The following ATP11A variants were observed in gnomAD, a reference collection of about 807,000 sequenced individuals.
ATP11A encodes the protein phospholipid-transporting ATPase IH.
A neutral mutation model predicts 154.4 loss-of-function variants in ATP11A; 81 were observed. That is an observed-to-expected ratio of 0.52 (90% CI 0.44 to 0.63). The LOEUF (loss-of-function observed/expected upper bound fraction) is 0.63. Among genes scored for constraint, ATP11A ranks in the 30% least tolerant of loss-of-function variants. ATP11A has a pLI of 0.00. For missense variants in ATP11A, 1,316 were observed against 1,474.3 expected (o/e 0.89, Z 1.76); for synonymous variants, 623 against 585.9 (o/e 1.06, Z -0.91).
intron 5 of ATP11A, among the ~76,000 whole-genome samples, 194 bp downstream of exon 5, chr13:112,810,920 C>T (rs1039264724): frequency 5.9e-5 from 9 of 152,146 alleles, no homozygotes; most frequent in African/African-American, 2.2e-4. Flanking sequence ...GCTCTCCAGC[C>T]TGGGCAACCG....
chr13:112,722,497 G>A (rs1889316528), intron 1 of ATP11A, among the ~76,000 whole-genome samples: 1 of 152,166 alleles, frequency 6.6e-6, no homozygotes, highest in African/African-American at 2.4e-5. Flanking sequence ...ATGTTTCTCA[G>A]TGGACTTCAG....
At position 112,885,544 on chromosome 13, in the gene ATP11A, G is replaced by A. The variant is rs2080964795; in HGVS notation, c.*3678G>A. 6.6e-6 allele frequency: 1 copy of A among 151,984 alleles called. No individual in the cohort carries two copies. Among genetic ancestry groups the A allele is most frequent in the Non-Finnish European group, 1.5e-5 (1 of 68,022 alleles). The allele number at this position is 151,984 out of a possible 1,614,324, so 9.4% of individuals were successfully genotyped here. On this transcript the variant is annotated 3_prime_UTR_variant, in exon 30 of 30. Transcript: ENST00000375645. ...GGCTCCTACACACATGCACACACGTGTACACCACAAACGAGCTCCCAGACA... is the reference window on the plus strand; with the variant it reads ...GGCTCCTACACACATGCACACACGTATACACCACAAACGAGCTCCCAGACA...
At chr13:112,802,493 A>G (rs2078164468) in intron 2 of ATP11A, among the ~76,000 whole-genome samples, 1 of 150,158 alleles carries the variant, frequency 6.7e-6, no homozygotes, top group South Asian at 2.1e-4. Context: ...AAGGCAATTC[A>G]GGGCAGACAG....
intron 1 of ATP11A, among the ~76,000 whole-genome samples, chr13:112,763,614 T>G (rs564991987): frequency 1.3e-5 from 2 of 152,304 alleles, no homozygotes; most frequent in South Asian, 4.1e-4. Context: ...TAAGAGACAC[T>G]CACCATCTCT....
chr13:112,735,629 G>T (rs1400235624), intron 1 of ATP11A, among the ~76,000 whole-genome samples: 1 of 152,182 alleles, frequency 6.6e-6, no homozygotes, highest in African/African-American at 2.4e-5. Flanking sequence ...TGGTTGCATT[G>T]TGTAGAGGAA....
intron 2 of ATP11A, among the ~76,000 whole-genome samples, chr13:112,798,237 A>G (rs940885907): frequency 2.6e-5 from 4 of 152,252 alleles, no homozygotes; most frequent in Non-Finnish European, 4.4e-5. Flanking sequence ...GAGGGGACAC[A>G]TTCAAACCAT....
intron 1 of ATP11A, among the ~76,000 whole-genome samples, chr13:112,772,615 G>A (rs1366862734): frequency 6.6e-6 from 1 of 151,554 alleles, no homozygotes; most frequent in Non-Finnish European, 1.5e-5. Flanking sequence ...CCCAGTACCA[G>A]GTGCTCCCAA....
At chr13:112,704,080 G>A (rs960795684) in intron 1 of ATP11A, among the ~76,000 whole-genome samples, 1 of 152,194 alleles carries the variant, frequency 6.6e-6, no homozygotes, top group Non-Finnish European at 1.5e-5. Flanking sequence ...AATGGGATAC[G>A]CTGGTCCTGC....
Position 112,882,637 on chromosome 13 carries a change from C to T in ATP11A, c.*771C>T. ...GGCTGAGTTTCGGTCTCCCCATCACCGGCCGCCTCGTGGAGAAGGCAGTGC... is the reference window on the plus strand; with the variant it reads ...GGCTGAGTTTCGGTCTCCCCATCACTGGCCGCCTCGTGGAGAAGGCAGTGC... On this transcript the variant is annotated 3_prime_UTR_variant, in exon 30 of 30. Coordinates refer to ENST00000375645, the MANE Select transcript of ATP11A (RefSeq NM_015205.3). This position sits in a 1 kb window ranked among gnomAD's most constrained non-coding sequence, Gnocchi z 5.1. The T allele has an allele frequency of 5.0e-6, 2 of 400,582 alleles. No individual in the cohort carries two copies. Among genetic ancestry groups the T allele is most frequent in the East Asian group, 3.6e-5 (1 of 28,098 alleles). The allele number at this position is 400,582 out of a possible 1,614,324, so 24.8% of individuals were successfully genotyped here. A position where few individuals can be genotyped will look rare whatever the true frequency, so the allele number is the denominator to read the frequency against.
intron 1 of ATP11A, among the ~76,000 whole-genome samples, chr13:112,769,552 G>C (rs1220620333): frequency 6.6e-6 from 1 of 152,220 alleles, no homozygotes; most frequent in Non-Finnish European, 1.5e-5. Context: ...TGAGTTTATA[G>C]TTCTCCCAAC....
At chr13:112,765,458 G>A (rs1010155247) in intron 1 of ATP11A, among the ~76,000 whole-genome samples, 2 of 152,196 alleles carry the variant, frequency 1.3e-5, no homozygotes, top group African/African-American at 2.4e-5. Context: ...ATTCGGCCCC[G>A]TTTCCTTGTC....
At chr13:112,731,730 A>T (rs1398648663) in intron 1 of ATP11A, among the ~76,000 whole-genome samples, 1 of 152,150 alleles carries the variant, frequency 6.6e-6, no homozygotes, top group African/African-American at 2.4e-5. Context: ...GATCCATCAC[A>T]TCTTATCCTG....
rs1274132100 is a variant in ATP11A, at chr13:112,690,386, G to A, written c.-31G>A. The A allele has an allele frequency of 1.6e-6, 2 of 1,276,480 alleles. No homozygotes were observed. Among genetic ancestry groups the A allele is most frequent in the Non-Finnish European group, 2.0e-6 (2 of 1,011,986 alleles). 79.1% of individuals were successfully genotyped at this position (1,276,480 alleles called of 1,614,324 possible). On this transcript the variant is annotated 5_prime_UTR_variant, in exon 1 of 30. An upstream open reading frame in the 5' UTR loses its in-frame stop. Transcript: ENST00000375645. The surrounding 1 kb of genome is among the most constrained non-coding windows in gnomAD (Gnocchi z 5.6). Reference sequence around the variant, plus strand: ...GCGCCGAGCCGGGCGCGGGGGCGCTGAACGGCGGAGCGGGAGCGGCCGGAG... The same window carrying A: ...GCGCCGAGCCGGGCGCGGGGGCGCTAAACGGCGGAGCGGGAGCGGCCGGAG...
At position 112,697,760 on chromosome 13, in the gene ATP11A, G is replaced by A. The variant is rs1168754398; in HGVS notation, c.39+7305G>A. On this transcript the variant is annotated intron_variant, in intron 1 of 29. Transcript: ENST00000375645. This position sits in a 1 kb window ranked among gnomAD's most constrained non-coding sequence, Gnocchi z 4.0. ...TTTTTTTTTTTTTTTTTTTAGTAGA[G>A]ATGGGGTTTCACCATATTGGCCAGG... Among the ~76,000 whole-genome samples, 1 of 139,670 alleles carries A rather than the reference G, an allele frequency of 7.2e-6. No homozygotes were observed. Among genetic ancestry groups the A allele is most frequent in the African/African-American group, 2.7e-5 (1 of 36,942 alleles). 91.6% of individuals were successfully genotyped at this position (139,670 alleles called of 152,430 possible). A position where few individuals can be genotyped will look rare whatever the true frequency, so the allele number is the denominator to read the frequency against.
chr13:112,793,798 G>A (rs2140088258), intron 2 of ATP11A, among the ~76,000 whole-genome samples: 1 of 152,346 alleles, frequency 6.6e-6, no homozygotes, highest in South Asian at 2.1e-4. Context: ...TGCTGGCAGG[G>A]GACAGTGCCC....
At position 112,838,101 on chromosome 13, in the gene ATP11A, G is replaced by T. The variant is rs1470925166; in HGVS notation, c.1705+1850G>T. Reference sequence around the variant, plus strand: ...ACAATCTGTGTGTGAATGTTGCCAGGACTCCCACGAAGAGCTTTTGCCAGC... The same window carrying T: ...ACAATCTGTGTGTGAATGTTGCCAGTACTCCCACGAAGAGCTTTTGCCAGC... On this transcript the variant is annotated intron_variant, in intron 16 of 29. Transcript: ENST00000375645. This position sits in a 1 kb window ranked among gnomAD's most constrained non-coding sequence, Gnocchi z 7.3. Among the ~76,000 whole-genome samples, 1 of 152,192 alleles carries T rather than the reference G, an allele frequency of 6.6e-6. No homozygotes were observed. The highest frequency in any genetic ancestry group is 6.5e-5 in the Admixed American group (1 of 15,276).
In ATP11A at chr13:112,875,788, C is replaced by T. The variant is rs2080703706; in HGVS notation, c.3174C>T (p.Asn1058=). The T allele has an allele frequency of 6.2e-7, 1 of 1,613,648 alleles. No homozygotes were observed. The highest frequency in any genetic ancestry group is 2.2e-5 in the East Asian group (1 of 44,860). The change falls in exon 28 of 30, where the codon AAC becomes AAT. Residue 1058 remains asparagine (N), a synonymous_variant. Coordinates refer to ENST00000375645, the MANE Select transcript of ATP11A (RefSeq NM_015205.3). This position sits in a 1 kb window ranked among gnomAD's most constrained non-coding sequence, Gnocchi z 4.1. ...LWGGVIWPFL[N]YQRMYYVFIQ... ...CCCTGCCCCTCAGGCCGTTCCTCAACTACCAGAGGATGTACTACGTGTTCA... is the reference window on the plus strand; with the variant it reads ...CCCTGCCCCTCAGGCCGTTCCTCAATTACCAGAGGATGTACTACGTGTTCA...
chr13:112,802,572 AAC>A, intron 2 of ATP11A, among the ~76,000 whole-genome samples: 1 of 151,144 alleles, frequency 6.6e-6, no homozygotes, highest in Non-Finnish European at 1.5e-5. Flanking sequence ...AAAAAAAAAA[AAC>A]CCAGCAACAG....
chr13:112,841,644 G>A (rs1216765656), intron 16 of ATP11A, among the ~76,000 whole-genome samples: 1 of 152,268 alleles, frequency 6.6e-6, no homozygotes, highest in Admixed American at 6.5e-5. Flanking sequence ...TTCAGGTGCA[G>A]AGGGGGCTCT....
Sources: gnomAD v4.1 joint callset for allele counts (sites outside exome capture counted in the v4.1 genomes callset) on GRCh38, gnomAD v4.1.1 for gene constraint, Gnocchi (gnomAD v3.1) non-coding constraint, MANE v1.5 for transcripts, NCBI Gene and HGNC (gene_info 2026-07-23, HGNC 2026-07-21) for gene names.